ABCA13: variants seen among roughly 807,000 people sequenced by gnomAD.
ABCA13 encodes the protein ATP binding cassette subfamily A member 13, also known as ATP-binding cassette sub-family A member 13.
Under a neutral mutation model 478.7 loss-of-function variants are expected in ABCA13, and 476 were observed. That is an observed-to-expected ratio of 0.99 (90% CI 0.92 to 1.07). The LOEUF (loss-of-function observed/expected upper bound fraction) is 1.07, where lower values mean the gene tolerates loss of function less well. Among genes scored for constraint, ABCA13 ranks in the 50% least tolerant of loss-of-function variants. The pLI, the probability that ABCA13 is intolerant of heterozygous loss-of-function variation, is 0.00. For missense variants in ABCA13, 6,060 were observed against 5,910.6 expected (o/e 1.03, Z -0.83); for synonymous variants, 2,252 against 2,158.9 (o/e 1.04, Z -1.20).
intron 55 of ABCA13, among the ~76,000 whole-genome samples, chr7:48,553,228 G>A (rs568642969): frequency 2.6e-5 from 4 of 152,198 alleles, no homozygotes; most frequent in Admixed American, 1.3e-4. Context: ...GGACACTTAG[G>A]TTACTTCCAA....
chr7:48,595,522 A>G lies in ABCA13; in HGVS notation c.14744+709A>G, dbSNP rs561627357. 1.4e-4 allele frequency among the ~76,000 whole-genome samples: 22 copies of G among 152,340 alleles called. 1 individual carries two copies. The highest frequency in any genetic ancestry group is 5.3e-4 in the African/African-American group (22 of 41,578). On this transcript the variant is annotated intron_variant, in intron 58 of 61. Coordinates refer to ENST00000435803, the MANE Select transcript of ABCA13 (RefSeq NM_152701.5). ...TCACATTTTGCCCTTTTGCAAGCTA[A>G]CAAATTTAGCTTGATACAGTTTTAT...
chr7:48,374,895 C>A (rs530215683), intron 34 of ABCA13, among the ~76,000 whole-genome samples: 1 of 152,148 alleles, frequency 6.6e-6, no homozygotes, highest in African/African-American at 2.4e-5. Flanking sequence ...CTCACGTTAT[C>A]GCCTGAGCTC....
chr7:48,218,229 C>T (rs186890765), intron 3 of ABCA13, among the ~76,000 whole-genome samples: 46 of 152,190 alleles, frequency 3.0e-4, no homozygotes, highest in African/African-American at 1.0e-3. Flanking sequence ...CTATGGTTTC[C>T]GAGGCGAATC....
rs774541857 is a variant in ABCA13, at chr7:48,248,305, T to C, written c.1726T>C (p.Leu576=). 1.6e-5 allele frequency: 26 copies of C among 1,613,786 alleles called. No individual in the cohort carries two copies. In the South Asian group the frequency reaches 2.0e-4, roughly 12 times the overall value. Residue 576 remains leucine, a synonymous_variant, in exon 14 of 62, where the codon TTG becomes CTG. Coordinates refer to ENST00000435803, the MANE Select transcript of ABCA13 (RefSeq NM_152701.5). ...GTCAGTTTTAATACCTGAAGAATAT[T>C]TGGACTGGCAGGAACTTGAGATGCA... ...NMSVLIPEEY[L]DWQELEMQLS...
At position 48,219,351 on chromosome 7, in the gene ABCA13, A is replaced by G. The variant is rs768345089; in HGVS notation, c.288-3A>G. ...TCACTTGCAGTATTTATTCTGTTTA[A>G]AGTTTGTCTAGGTTCCAAACTGCAG... On this transcript the variant is annotated splice_polypyrimidine_tract_variant and splice_region_variant and intron_variant, in intron 3 of 61. Coordinates refer to ENST00000435803, the MANE Select transcript of ABCA13 (RefSeq NM_152701.5). 1.4e-5 allele frequency: 22 copies of G among 1,603,218 alleles called. No homozygotes were observed. Among genetic ancestry groups the G allele is most frequent in the Non-Finnish European group, 1.9e-5 (22 of 1,177,448 alleles).
At chr7:48,517,951 T>G (rs1052996731) in intron 52 of ABCA13, among the ~76,000 whole-genome samples, 2 of 152,208 alleles carry the variant, frequency 1.3e-5, no homozygotes, top group Non-Finnish European at 2.9e-5. Flanking sequence ...TACTTCCTCA[T>G]GGCTGGACTT....
chr7:48,278,669 TGAAACCCCTCTTA>T lies in ABCA13; in HGVS notation c.7480_7492del (p.Pro2494CysfsTer9), dbSNP rs1208031783. The stretch of plus-strand genomic sequence containing the variant: ...AGAGCAAGTGAAGAAAGTCACGTCC[TGAAACCCCTCTTA>T]GAAATGTCTGGGACTCTGGTCATGC... On this transcript the variant is annotated frameshift_variant, in exon 18 of 62. Transcript: ENST00000435803. LOFTEE classifies it high-confidence loss of function. 2.0e-5 allele frequency: 33 copies of T among 1,613,714 alleles called. No homozygotes were observed. The highest frequency in any genetic ancestry group is 2.6e-5 in the Non-Finnish European group (31 of 1,179,590).
chr7:48,303,554 C>A (rs1163581728), intron 23 of ABCA13, among the ~76,000 whole-genome samples: 3 of 152,124 alleles, frequency 2.0e-5, no homozygotes, highest in Admixed American at 6.5e-5. Flanking sequence ...CTGCACATGG[C>A]TAGCCAGTTA....
chr7:48,622,260 T>C (rs1793209160), intron 59 of ABCA13, among the ~76,000 whole-genome samples: 1 of 152,128 alleles, frequency 6.6e-6, no homozygotes, highest in Admixed American at 6.5e-5. Context: ...TTATTATTAT[T>C]TGTTCTTTCT....
At chr7:48,579,227 C>T (rs1413653065) in intron 55 of ABCA13, among the ~76,000 whole-genome samples, 1 of 152,076 alleles carries the variant, frequency 6.6e-6, no homozygotes, top group Non-Finnish European at 1.5e-5. Flanking sequence ...ATTTTGCAGA[C>T]CCATGTCTCA....
Position 48,389,091 on chromosome 7 carries a change from TCACCC to T in ABCA13, c.11526_11530del (p.Thr3843GlyfsTer8), listed in dbSNP as rs781689925. ...GAGCTTGAAGGAAGTGCCCCGGGAG[TCACCC>T]TGGTGTCTGTGACCAAGGAATATGA... On this transcript the variant is annotated frameshift_variant, in exon 37 of 62. Transcript: ENST00000435803. LOFTEE classifies it high-confidence loss of function. The T allele has an allele frequency of 6.2e-7, 1 of 1,613,532 alleles. No homozygotes were observed. Among genetic ancestry groups the T allele is most frequent in the Non-Finnish European group, 8.5e-7 (1 of 1,179,770 alleles).
At chr7:48,503,655 A>C (rs1252324601) in intron 48 of ABCA13, among the ~76,000 whole-genome samples, 1 of 152,218 alleles carries the variant, frequency 6.6e-6, no homozygotes, top group East Asian at 1.9e-4. Context: ...CATTATGTGC[A>C]TGAATATCTA....
At chr7:48,586,007 A>G (rs949092388) in intron 56 of ABCA13, among the ~76,000 whole-genome samples, 6 of 152,226 alleles carry the variant, frequency 3.9e-5, no homozygotes, top group African/African-American at 1.4e-4. Flanking sequence ...CTATAGACAC[A>G]TATAATACAC....
chr7:48,383,474 C>T (rs566930451), intron 35 of ABCA13, among the ~76,000 whole-genome samples: 8 of 152,266 alleles, frequency 5.3e-5, no homozygotes, highest in African/African-American at 1.4e-4. Context: ...CCACTTATAT[C>T]GAAGTGAAGC....
chr7:48,473,022 A>G (rs1356748107), intron 45 of ABCA13, among the ~76,000 whole-genome samples: 1 of 152,208 alleles, frequency 6.6e-6, no homozygotes, highest in African/African-American at 2.4e-5. Flanking sequence ...CACTTCTTAC[A>G]TGGCAGCAGC....
chr7:48,324,606 A>C (rs1387506321), intron 27 of ABCA13, among the ~76,000 whole-genome samples: 1 of 152,218 alleles, frequency 6.6e-6, no homozygotes, highest in East Asian at 1.9e-4. Flanking sequence ...ACATTGAAAA[A>C]TAGTAGCCCA....
Position 48,297,249 on chromosome 7 carries a change from A to G in ABCA13, c.9137A>G (p.Glu3046Gly). ...CATTTTAGGTTGGCCAAAAGCCTCG[A>G]GGAAACTTGGTCATCAGGGAATCCC... ...QHLYMLAKSL[E>G]ETWSSGNPIM... Residue 3046 changes from glutamate (E) to glycine (G), a missense_variant, in exon 22 of 62, where the codon GAG becomes GGG. By Grantham distance (98) the Glu-to-Gly change is moderately conservative (BLOSUM62 -2). Coordinates refer to ENST00000435803, the MANE Select transcript of ABCA13 (RefSeq NM_152701.5). 6.2e-7 allele frequency: 1 copy of G among 1,607,078 alleles called. No individual in the cohort carries two copies. Among genetic ancestry groups the G allele is most frequent in the South Asian group, 1.1e-5 (1 of 89,246 alleles).
chr7:48,251,742 C>G (rs946880537), intron 15 of ABCA13, among the ~76,000 whole-genome samples: 8 of 150,154 alleles, frequency 5.3e-5, no homozygotes, highest in Non-Finnish European at 1.0e-4. Flanking sequence ...GATTGTTGTT[C>G]TTTTTCTTGT....
intron 57 of ABCA13, among the ~76,000 whole-genome samples, chr7:48,592,464 A>T (rs547148512): frequency 2.0e-5 from 3 of 151,980 alleles, no homozygotes; most frequent in Admixed American, 6.6e-5. Flanking sequence ...CAATTTTTTT[A>T]AAATTGTTTA....
Sources: allele counts gnomAD v4.1 joint callset (sites outside exome capture counted in the v4.1 genomes callset), GRCh38; gene constraint gnomAD v4.1.1; transcripts MANE v1.5; gene names NCBI Gene and HGNC (gene_info 2026-07-23, HGNC 2026-07-21).